Variants in FAM227B observed in about 807,000 individuals in gnomAD.
The protein encoded by FAM227B is protein FAM227B.
FAM227B carries 88 observed loss-of-function variants against 73.8 expected under a neutral mutation model. The ratio of observed to expected loss-of-function variants is 1.19; its 90% CI spans 1.00 to 1.42. FAM227B has a LOEUF of 1.42. Among genes scored for constraint, FAM227B ranks in the 40% most tolerant of loss-of-function variants. The probability of loss-of-function intolerance (pLI) is 0.00; values close to 1 mark genes in which losing one functional copy is unlikely to be tolerated. For missense variants in FAM227B, 632 were observed against 590.9 expected (o/e 1.07, Z -0.72); for synonymous variants, 210 against 190.5 (o/e 1.10, Z -0.84).
intron 11 of FAM227B, chr15:49,488,330 A>G (rs2056579328): frequency 6.6e-6 from 1 of 151,994 alleles, no homozygotes; most frequent in African/African-American, 2.4e-5. Context: ...CTTTCAATGA[A>G]GGTCACTTGT....
chr15:49,399,762 C>T (rs895436908), intron 11 of FAM227B, among the ~76,000 whole-genome samples: 1 of 116,636 alleles, frequency 8.6e-6, no homozygotes, highest in African/African-American at 2.8e-5. Context: ...ATGATTATCT[C>T]AATAGATGCA....
intron 7 of FAM227B, 93 bp downstream of exon 7, chr15:49,576,648 A>C (rs2075461014): frequency 1.3e-6 from 1 of 744,932 alleles, no homozygotes; most frequent in South Asian, 1.8e-5. Flanking sequence ...AATCTTGTTG[A>C]ACACCTAATT....
chr15:49,603,512 A>G (rs1328899190), intron 3 of FAM227B, among the ~76,000 whole-genome samples: 1 of 151,994 alleles, frequency 6.6e-6, no homozygotes, highest in African/African-American at 2.4e-5. Context: ...TTTTTTTACC[A>G]GTTCTAGAGG....
intron 5 of FAM227B, among the ~76,000 whole-genome samples, chr15:49,585,723 A>G (rs1380723264): frequency 2.0e-5 from 3 of 152,194 alleles, no homozygotes; most frequent in African/African-American, 4.8e-5. Flanking sequence ...GGATAGCAGT[A>G]GGAGATATAC....
intron 9 of FAM227B, among the ~76,000 whole-genome samples, chr15:49,542,308 A>ATTG (rs371271980): frequency 6.6e-6 from 1 of 151,868 alleles, no homozygotes; most frequent in African/African-American, 2.4e-5. Flanking sequence ...TTTGGGTTGG[A>ATTG]TTGTTGTTGT....
chr15:49,597,991 AC>A lies in FAM227B; in HGVS notation c.106-7985del, dbSNP rs2076978871. 2.6e-5 allele frequency among the ~76,000 whole-genome samples: 4 copies of A among 151,924 alleles called. 1 individual carries two copies. In the South Asian group the frequency reaches 8.3e-4, roughly 31 times the overall value. ...TTGAAATGGTAATAAATAATTACCA[AC>A]AAAAAAAAAGTCCAGGACAAGGTGG... On this transcript the variant is annotated intron_variant, in intron 3 of 15. Transcript: ENST00000299338.
intron 11 of FAM227B, among the ~76,000 whole-genome samples, chr15:49,471,670 CT>C (rs2054785323): frequency 6.6e-6 from 1 of 151,862 alleles, no homozygotes; most frequent in African/African-American, 2.4e-5. Context: ...CGAATCTGGT[CT>C]TTTTGAGAGT....
chr15:49,588,639 A>G (rs1312911401), intron 4 of FAM227B, among the ~76,000 whole-genome samples: 2 of 139,272 alleles, frequency 1.4e-5, no homozygotes, highest in African/African-American at 5.3e-5. Flanking sequence ...AAGATATGAA[A>G]GGATATGTTC....
At chr15:49,353,845 G>C (rs917401958) in intron 13 of FAM227B, 1 of 151,996 alleles carries the variant, frequency 6.6e-6, no homozygotes, top group African/African-American at 2.4e-5. Flanking sequence ...GCATTACTAG[G>C]TTCTTACCAT....
Position 49,597,265 on chromosome 15 carries a change from A to C in FAM227B, c.106-7258T>G, listed in dbSNP as rs1005642480. The stretch of plus-strand genomic sequence containing the variant: ...AAATTCAAGAAAATCAAAATTACAT[A>C]AAGTACTCTTTCAGACCACAATTGA... On this transcript the variant is annotated intron_variant, in intron 3 of 15. Transcript: ENST00000299338. 9.2e-5 allele frequency among the ~76,000 whole-genome samples: 14 copies of C among 152,088 alleles called. No homozygotes were observed. In the South Asian group the frequency reaches 1.0e-3, roughly 11 times the overall value.
At chr15:49,601,109 T>G (rs1483840006) in intron 3 of FAM227B, among the ~76,000 whole-genome samples, 3 of 149,218 alleles carry the variant, frequency 2.0e-5, no homozygotes, top group African/African-American at 7.4e-5. Context: ...TGTATTAGGT[T>G]GGAGCAACAG....
At chr15:49,444,486 T>A (rs576213588) in intron 11 of FAM227B, among the ~76,000 whole-genome samples, 21 of 151,878 alleles carry the variant, frequency 1.4e-4, no homozygotes, top group African/African-American at 5.1e-4. Context: ...AGAAATAACA[T>A]TGAAATTATC....
At chr15:49,468,598 G>GA (rs2054472428) in intron 11 of FAM227B, among the ~76,000 whole-genome samples, 2 of 152,290 alleles carry the variant, frequency 1.3e-5, no homozygotes, top group African/African-American at 4.8e-5. Context: ...TGGGAAAAGA[G>GA]AAAAACCTGG....
chr15:49,402,275 G>C (rs368191668), intron 11 of FAM227B, among the ~76,000 whole-genome samples: 3 of 152,208 alleles, frequency 2.0e-5, no homozygotes, highest in East Asian at 3.9e-4. Context: ...AGGGCTATTT[G>C]GGCTCTTTTT....
intron 13 of FAM227B, among the ~76,000 whole-genome samples, chr15:49,344,996 A>G (rs1381500893): frequency 1.3e-5 from 2 of 152,208 alleles, no homozygotes; most frequent in Non-Finnish European, 2.9e-5. Context: ...TGAGCTGCTT[A>G]AACTTTATTT....
intron 11 of FAM227B, among the ~76,000 whole-genome samples, chr15:49,461,453 C>G (rs560885047): frequency 6.6e-6 from 1 of 152,294 alleles, no homozygotes; most frequent in African/African-American, 2.4e-5. Context: ...TATCTGACAT[C>G]ATGTCTATTT....
chr15:49,339,854 G>C (rs1036518490), intron 13 of FAM227B, among the ~76,000 whole-genome samples: 2 of 152,128 alleles, frequency 1.3e-5, no homozygotes, highest in Non-Finnish European at 2.9e-5. Flanking sequence ...AGGCAGCAGC[G>C]GCCTTGCTGA....
chr15:49,541,851 T>A (rs778249472), intron 9 of FAM227B, 45 bp from the exon 10 acceptor site: 7 of 1,243,256 alleles, frequency 5.6e-6, no homozygotes, highest in Middle Eastern at 2.8e-4. Flanking sequence ...ATTTTTAAAT[T>A]TTAATATATG....
At chr15:49,449,492 C>T (rs1389542228) in intron 11 of FAM227B, among the ~76,000 whole-genome samples, 3 of 151,922 alleles carry the variant, frequency 2.0e-5, no homozygotes, top group Non-Finnish European at 4.4e-5. Flanking sequence ...CTAAGAATAC[C>T]ACCTAAAATA....
Sources: gnomAD v4.1 joint callset for allele counts (sites outside exome capture counted in the v4.1 genomes callset) on GRCh38, gnomAD v4.1.1 for gene constraint, MANE v1.5 for transcripts, NCBI Gene and HGNC (gene_info 2026-07-23, HGNC 2026-07-21) for gene names.